The following DERA variants were observed in gnomAD, a reference collection of about 807,000 sequenced individuals.
DERA encodes the protein deoxyribose-phosphate aldolase.
DERA carries 15 observed loss-of-function variants against 41.1 expected under a neutral mutation model. That is an observed-to-expected ratio of 0.37 (90% CI 0.24 to 0.56). DERA has a LOEUF of 0.56. Ranked by LOEUF, DERA falls within the 20% of genes least tolerant of loss-of-function variation. DERA has a pLI of 0.81. For synonymous variants in DERA, 139 were observed against 137.4 expected, an observed-to-expected ratio of 1.01 and a Z score of -0.08; for missense variants, 396 against 403.4, an observed-to-expected ratio of 0.98 and a Z score of 0.16.
rs556620793 is a variant in DERA at position 15,956,976 on chromosome 12, A to G, written c.72A>G (p.Ala24=). Residue 24 remains alanine, a synonymous_variant, in exon 2 of 9, where the codon GCA becomes GCG. Transcript: ENST00000428559. The part of the protein sequence containing the change: ...WISKIQVNHP[A]VLRRAEQIQA... ...CCAAAATACAAGTGAATCACCCGGCAGTTCTGAGGCGTGCGGAACAAATCC... is the reference window on the plus strand; with the variant it reads ...CCAAAATACAAGTGAATCACCCGGCGGTTCTGAGGCGTGCGGAACAAATCC... 1.7e-5 allele frequency: 28 copies of G among 1,613,886 alleles called. No individual in the cohort carries two copies. In the Admixed American group the frequency reaches 4.7e-4, roughly 27 times the overall value.
chr12:16,005,679 C>G (rs1045387483), intron 6 of DERA, among the ~76,000 whole-genome samples: 1 of 152,116 alleles, frequency 6.6e-6, no homozygotes, highest in South Asian at 2.1e-4. Flanking sequence ...AAAGACCCTG[C>G]AAGTTTACAA....
intron 6 of DERA, among the ~76,000 whole-genome samples, chr12:16,027,136 A>C (rs1215342044): frequency 6.6e-6 from 1 of 152,206 alleles, no homozygotes; most frequent in Admixed American, 6.5e-5. Flanking sequence ...AGAGGGAAAT[A>C]TCTTCAACTT....
chr12:16,018,463 T>C (rs943260637), intron 6 of DERA, among the ~76,000 whole-genome samples: 3 of 152,206 alleles, frequency 2.0e-5, no homozygotes, highest in African/African-American at 7.2e-5. Context: ...TTCATCTTGT[T>C]CTATTTAGTA....
At position 15,938,486 on chromosome 12, in the gene DERA, A is replaced by G. The variant is rs2136134803; in HGVS notation, c.32-18450A>G. Among the ~76,000 whole-genome samples the G allele has an allele frequency of 6.6e-6, 1 of 152,202 alleles. No individual in the cohort carries two copies. Among genetic ancestry groups the G allele is most frequent in the Non-Finnish European group, 1.5e-5 (1 of 67,934 alleles). On this transcript the variant is annotated intron_variant, in intron 1 of 8. Coordinates refer to ENST00000428559, the MANE Select transcript of DERA (RefSeq NM_015954.4). This position sits in a 1 kb window ranked among gnomAD's most constrained non-coding sequence, Gnocchi z 4.1. Reference sequence around the variant, plus strand: ...CAAGTTGAATTATTACTCTGCTTTAATAAGCTTCTTAGCTGTATCAATCTA... The same window carrying G: ...CAAGTTGAATTATTACTCTGCTTTAGTAAGCTTCTTAGCTGTATCAATCTA...
rs762411189 is a variant in DERA at position 15,982,454 on chromosome 12, AAAT to A, written c.637+22_637+24del. The A allele has an allele frequency of 1.2e-4, 188 of 1,590,714 alleles. No individual in the cohort carries two copies. In the African/African-American group the frequency reaches 2.3e-3, roughly 20 times the overall value. On this transcript the variant is annotated intron_variant, in intron 6 of 8. Transcript: ENST00000428559. The surrounding 1 kb of genome is among the most constrained non-coding windows in gnomAD (Gnocchi z 4.0). The stretch of plus-strand genomic sequence containing the variant: ...GATGGCAGGTAAGTGTTTTATGTTC[AAAT>A]AATGTTTTCTATTGAATTGATGTTT...
At chr12:15,975,654 C>T (rs930450050) in intron 5 of DERA, among the ~76,000 whole-genome samples, 1 of 152,252 alleles carries the variant, frequency 6.6e-6, no homozygotes. Context: ...CAGGAAGGAA[C>T]AAGGACAGCT....
rs1948792957 is a variant in DERA at position 15,990,277 on chromosome 12, A to G, written c.637+7841A>G. 6.6e-6 allele frequency among the ~76,000 whole-genome samples: 1 copy of G among 152,188 alleles called. No homozygotes were observed. Among genetic ancestry groups the G allele is most frequent in the African/African-American group, 2.4e-5 (1 of 41,444 alleles). On this transcript the variant is annotated intron_variant, in intron 6 of 8. Transcript: ENST00000428559. The surrounding 1 kb of genome is among the most constrained non-coding windows in gnomAD (Gnocchi z 4.3). ...TTCCAAAGCTTACTATATTAGCAGA[A>G]TTGTTCAATGAATCTTATATTTGAA... is the stretch of plus-strand genomic sequence containing the variant.
intron 6 of DERA, among the ~76,000 whole-genome samples, chr12:16,016,814 A>G (rs1592052040): frequency 6.6e-6 from 1 of 151,280 alleles, no homozygotes; most frequent in Non-Finnish European, 1.5e-5. Flanking sequence ...AAAAAAAAAA[A>G]AAAAGAAAGA....
chr12:16,030,087 T>C (rs1949082067), intron 6 of DERA, among the ~76,000 whole-genome samples: 1 of 49,648 alleles, frequency 2.0e-5, no homozygotes, highest in Non-Finnish European at 6.9e-5. Flanking sequence ...CATGCCCGGC[T>C]AATTTTTTTT....
At chr12:16,002,153 G>GT (rs1948880064) in intron 6 of DERA, among the ~76,000 whole-genome samples, 2 of 97,220 alleles carry the variant, frequency 2.1e-5, no homozygotes, top group Non-Finnish European at 3.9e-5. Context: ...CCCCACAACA[G>GT]CCCTGGTGTG....
At chr12:15,952,850 G>C (rs1237461955) in intron 1 of DERA, among the ~76,000 whole-genome samples, 1 of 152,246 alleles carries the variant, frequency 6.6e-6, no homozygotes, top group Non-Finnish European at 1.5e-5. Flanking sequence ...GCCACATTCA[G>C]TCACATTTAG....
intron 1 of DERA, among the ~76,000 whole-genome samples, chr12:15,920,035 GGAGA>G (rs1429160065): frequency 1.5e-4 from 23 of 151,550 alleles, no homozygotes; most frequent in Admixed American, 1.5e-3. Context: ...AGGGAGGGAG[GGAGA>G]GAGACAGAAA....
In DERA at chr12:15,982,468, A is replaced by G. The variant is rs371113996; in HGVS notation, c.637+32A>G. On this transcript the variant is annotated intron_variant, in intron 6 of 8. Coordinates refer to ENST00000428559, the MANE Select transcript of DERA (RefSeq NM_015954.4). The surrounding 1 kb of genome is among the most constrained non-coding windows in gnomAD (Gnocchi z 4.0). ...GTTTTATGTTCAAATAATGTTTTCT[A>G]TTGAATTGATGTTTTTAGGAGAAAT... 1.3e-6 allele frequency: 2 copies of G among 1,573,100 alleles called. No homozygotes were observed. Among genetic ancestry groups the G allele is most frequent in the Non-Finnish European group, 1.7e-6 (2 of 1,161,986 alleles).
chr12:15,945,775 TGGTG>T (rs1400104112), intron 1 of DERA, among the ~76,000 whole-genome samples: 1 of 151,806 alleles, frequency 6.6e-6, no homozygotes, highest in African/African-American at 2.4e-5. Context: ...TGAATAGGAG[TGGTG>T]GGTGAGAGAG....
rs1948936777 is a variant in DERA at position 16,009,973 on chromosome 12, A to G, written c.638-22569A>G. Among the ~76,000 whole-genome samples the G allele has an allele frequency of 1.3e-5, 2 of 152,216 alleles. No individual in the cohort carries two copies. The highest frequency in any genetic ancestry group is 4.8e-5 in the African/African-American group (2 of 41,462). On this transcript the variant is annotated intron_variant, in intron 6 of 8. Coordinates refer to ENST00000428559, the MANE Select transcript of DERA (RefSeq NM_015954.4). This position sits in a 1 kb window ranked among gnomAD's most constrained non-coding sequence, Gnocchi z 5.3. ...AACAAATGGCCTTTAAATCAGACCTATTAGTTTTGTAATAGGAAGTTCTGT... is the reference window on the plus strand; with the variant it reads ...AACAAATGGCCTTTAAATCAGACCTGTTAGTTTTGTAATAGGAAGTTCTGT...
intron 1 of DERA, among the ~76,000 whole-genome samples, chr12:15,949,108 T>C (rs544198655): frequency 4.6e-5 from 7 of 152,298 alleles, no homozygotes; most frequent in African/African-American, 1.7e-4. Flanking sequence ...AGTCTGCTCC[T>C]ACTGGGGGGT....
In DERA at chr12:16,008,609, C is replaced by T. The variant is rs1948928470; in HGVS notation, c.638-23933C>T. On this transcript the variant is annotated intron_variant, in intron 6 of 8. Coordinates refer to ENST00000428559, the MANE Select transcript of DERA (RefSeq NM_015954.4). This position sits in a 1 kb window ranked among gnomAD's most constrained non-coding sequence, Gnocchi z 4.8. ...GGTCTGTGCTAGGATTGAGTGTGGCCACAGATAGCACGGAACATGATAACG... is the reference window on the plus strand; with the variant it reads ...GGTCTGTGCTAGGATTGAGTGTGGCTACAGATAGCACGGAACATGATAACG... Among the ~76,000 whole-genome samples, 1 of 152,158 alleles carries T rather than the reference C, an allele frequency of 6.6e-6. No homozygotes were observed. The highest frequency in any genetic ancestry group is 2.1e-4 in the South Asian group (1 of 4,816).
rs1251959714 is a variant in DERA at position 16,021,672 on chromosome 12, C to T, written c.638-10870C>T. Among the ~76,000 whole-genome samples the T allele has an allele frequency of 3.3e-5, 5 of 152,226 alleles. No homozygotes were observed. The highest frequency in any genetic ancestry group is 7.3e-5 in the Non-Finnish European group (5 of 68,040). On this transcript the variant is annotated intron_variant, in intron 6 of 8. Coordinates refer to ENST00000428559, the MANE Select transcript of DERA (RefSeq NM_015954.4). This position sits in a 1 kb window ranked among gnomAD's most constrained non-coding sequence, Gnocchi z 5.3. ...CAAGGACTTAGGAGCCCACCTCTTTCACCAGTGTGCCCTGGATGCAGGACA... is the reference window on the plus strand; with the variant it reads ...CAAGGACTTAGGAGCCCACCTCTTTTACCAGTGTGCCCTGGATGCAGGACA...
chr12:15,962,925 G>C lies in DERA; in HGVS notation c.486G>C (p.Leu162Phe). 6.2e-7 allele frequency: 1 copy of C among 1,605,820 alleles called. No homozygotes were observed. The change falls in exon 5 of 9, where the codon TTG becomes TTC. Residue 162 changes from leucine to phenylalanine, a missense_variant. Transcript: ENST00000428559. ...TEIDVVINRS[L>F]VLTGQWEALY... ...TCGACGTGGTAATTAACAGAAGCTT[G>C]GTGCTGACAGGCCAGTGGGAAGGTA...
Sources: gnomAD v4.1 joint callset for allele counts (sites outside exome capture counted in the v4.1 genomes callset) on GRCh38, gnomAD v4.1.1 for gene constraint, Gnocchi (gnomAD v3.1) non-coding constraint, MANE v1.5 for transcripts, NCBI Gene and HGNC (gene_info 2026-07-23, HGNC 2026-07-21) for gene names.